Variants in CSMD1 observed in about 807,000 individuals in gnomAD.
CSMD1 encodes the protein CUB and sushi domain-containing protein 1.
CSMD1 carries 213 observed loss-of-function variants against 417.5 expected under a neutral mutation model. The ratio of observed to expected loss-of-function variants is 0.51; its 90% confidence interval spans 0.46 to 0.57. The LOEUF (loss-of-function observed/expected upper bound fraction) is 0.57, where lower values mean the gene tolerates loss of function less well. CSMD1 is among the 20% of genes least tolerant of loss of function. The pLI, the probability that CSMD1 is intolerant of heterozygous loss-of-function variation, is 0.00. For synonymous variants in CSMD1, 2,862 were observed against 1,736.8 expected (o/e 1.65, Z -16.11); for missense variants, 6,923 against 4,529.7 (o/e 1.53, Z -15.17).
rs548924048 is a variant in CSMD1, at chr8:4,224,038, C to T, written c.416-191939G>A. On this transcript the variant is annotated intron_variant, in intron 3 of 69. Coordinates refer to ENST00000635120, the MANE Select transcript of CSMD1 (RefSeq NM_033225.6). ...TCCCGGGTACGTTATTTTAACAAAA[C>T]ATGCATACGTAACCCTACTCAAACA... is the stretch of plus-strand genomic sequence containing the variant. Among the ~76,000 whole-genome samples the T allele has an allele frequency of 1.2e-4, 18 of 152,196 alleles. No homozygotes were observed. The South Asian group carries it at 3.7e-3, about 32-fold the overall frequency.
intron 5 of CSMD1, among the ~76,000 whole-genome samples, chr8:3,919,397 T>G (rs1809067958): frequency 6.6e-6 from 1 of 152,128 alleles, no homozygotes; most frequent in Non-Finnish European, 1.5e-5. Flanking sequence ...GAGACTCTCT[T>G]TTCCCCCATT....
chr8:3,535,780 G>A (rs1338419665), intron 10 of CSMD1, among the ~76,000 whole-genome samples: 2 of 152,126 alleles, frequency 1.3e-5, no homozygotes, highest in Admixed American at 1.3e-4. Flanking sequence ...CTTCCCACAT[G>A]CTTTGAAAAT....
At chr8:4,216,650 C>T (rs185822015) in intron 3 of CSMD1, among the ~76,000 whole-genome samples, 4 of 152,190 alleles carry the variant, frequency 2.6e-5, no homozygotes, top group African/African-American at 4.8e-5. Context: ...TGTGTTCTTT[C>T]GTAAATGACT....
chr8:4,736,239 G>C (rs138890541), intron 1 of CSMD1, among the ~76,000 whole-genome samples: 184 of 152,226 alleles, frequency 1.2e-3, no homozygotes, highest in African/African-American at 4.3e-3. Context: ...TTTAAAAAGA[G>C]ACGTAAAAGT....
intron 23 of CSMD1, among the ~76,000 whole-genome samples, chr8:3,320,081 C>G (rs543105449): frequency 3.0e-4 from 46 of 152,244 alleles, no homozygotes; most frequent in Admixed American, 1.8e-3. Flanking sequence ...GGGGCTGCCA[C>G]CAGCGCACAC....
chr8:4,501,843 G>C (rs758844886), intron 2 of CSMD1, among the ~76,000 whole-genome samples: 1 of 152,158 alleles, frequency 6.6e-6, no homozygotes, highest in East Asian at 1.9e-4. Context: ...TTTATCAGAG[G>C]TATGTCTGTA....
In CSMD1 at chr8:3,985,666, G is replaced by T. The variant is rs74380917; in HGVS notation, c.818+12237C>A. On this transcript the variant is annotated intron_variant, in intron 5 of 69. Transcript: ENST00000635120. ...ACTCACAGAAGCTTGCTAGGTTGAT[G>T]CTAGAATTCTCATTACAACCTCCAA... Among the ~76,000 whole-genome samples the T allele has an allele frequency of 8.4e-3, 1,278 of 152,164 alleles. 18 individuals carry two copies. Among genetic ancestry groups the T allele is most frequent in the African/African-American group, 0.028 (1,155 of 41,512 alleles).
intron 3 of CSMD1, among the ~76,000 whole-genome samples, chr8:4,411,514 TATC>T (rs1288058551): frequency 2.0e-5 from 3 of 152,354 alleles, no homozygotes; most frequent in Non-Finnish European, 4.4e-5. Flanking sequence ...ATTCCCACAT[TATC>T]ATCAGACATT....
At chr8:4,505,722 C>G (rs558200932) in intron 2 of CSMD1, among the ~76,000 whole-genome samples, 4 of 152,106 alleles carry the variant, frequency 2.6e-5, no homozygotes, top group Non-Finnish European at 4.4e-5. Context: ...GCCAATGAAG[C>G]CTTTGGACAG....
chr8:3,885,945 G>C (rs1253515921), intron 5 of CSMD1, among the ~76,000 whole-genome samples: 1 of 151,890 alleles, frequency 6.6e-6, no homozygotes, highest in Non-Finnish European at 1.5e-5. Context: ...AAGTTGATAA[G>C]TTATGGGCAT....
intron 4 of CSMD1, among the ~76,000 whole-genome samples, chr8:4,019,767 A>C (rs1796698167): frequency 1.3e-5 from 2 of 152,110 alleles, no homozygotes; most frequent in Admixed American, 1.3e-4. Flanking sequence ...ATTTCTGTCC[A>C]AGTGGTGGTG....
chr8:2,993,497 T>C (rs1423853978), intron 54 of CSMD1, among the ~76,000 whole-genome samples: 4 of 152,124 alleles, frequency 2.6e-5, no homozygotes, highest in African/African-American at 9.7e-5. Context: ...ACTCTCAGCG[T>C]CTCCCAGATG....
intron 3 of CSMD1, among the ~76,000 whole-genome samples, chr8:4,047,135 G>C (rs983874510): frequency 6.6e-6 from 1 of 152,186 alleles, no homozygotes; most frequent in African/African-American, 2.4e-5. Context: ...GGAAGAAGCA[G>C]AGCAGCCTGC....
Position 3,817,240 on chromosome 8 carries a change from T to C in CSMD1, c.819-63198A>G, listed in dbSNP as rs1416858518. Among the ~76,000 whole-genome samples the C allele has an allele frequency of 2.3e-5, 3 of 128,392 alleles. No homozygotes were observed. In the East Asian group the frequency reaches 7.7e-4, roughly 33 times the overall value. The allele number at this position is 128,392 out of a possible 152,430, so 84.2% of individuals were successfully genotyped here. On this transcript the variant is annotated intron_variant, in intron 5 of 69. Transcript: ENST00000635120. The stretch of plus-strand genomic sequence containing the variant: ...AGGATCTCCAAATCCAAAGTGGTCA[T>C]ATCTTCTTCTTCTTTTTTTTTTTTT...
chr8:3,708,619 G>C, intron 6 of CSMD1, 128 bp from the exon 7 acceptor site: 4 of 722,422 alleles, frequency 5.5e-6, no homozygotes, highest in Middle Eastern at 2.4e-4. Context: ...TGTTCTAAGA[G>C]GTGAATGATA....
chr8:4,862,232 G>A (rs1022812735), intron 1 of CSMD1, among the ~76,000 whole-genome samples: 1 of 152,020 alleles, frequency 6.6e-6, no homozygotes, highest in Admixed American at 6.6e-5. Flanking sequence ...AGAAAGTGAG[G>A]TAGAGAGGAG....
intron 1 of CSMD1, among the ~76,000 whole-genome samples, chr8:4,757,468 A>G (rs1478223212): frequency 6.6e-6 from 1 of 152,136 alleles, no homozygotes. Flanking sequence ...CTTATTCAAC[A>G]TCAAACAGAT....
chr8:3,130,543 T>A (rs567217398), intron 41 of CSMD1, among the ~76,000 whole-genome samples: 3 of 152,132 alleles, frequency 2.0e-5, no homozygotes, highest in Non-Finnish European at 4.4e-5. Flanking sequence ...GAAAACAACC[T>A]GAATGCGTCA....
At chr8:4,147,642 G>C (rs1489212342) in intron 3 of CSMD1, among the ~76,000 whole-genome samples, 2 of 152,088 alleles carry the variant, frequency 1.3e-5, no homozygotes, top group South Asian at 2.1e-4. Flanking sequence ...GTGCATGAAG[G>C]TTACTCTGAG....
Sources: allele counts gnomAD v4.1 joint callset (sites outside exome capture counted in the v4.1 genomes callset), GRCh38; gene constraint gnomAD v4.1.1; transcripts MANE v1.5; gene names NCBI Gene and HGNC (gene_info 2026-07-23, HGNC 2026-07-21).